The following PRMT8 variants were observed in gnomAD, a reference collection of about 807,000 sequenced individuals.
The protein encoded by PRMT8 is protein arginine methyltransferase 8.
In PRMT8, 7 loss-of-function variants were observed where a neutral mutation model predicts 47.1. The observed-to-expected ratio is 0.15, with a 90% CI of 0.08 to 0.28. The LOEUF (loss-of-function observed/expected upper bound fraction) is 0.28, where lower values mean the gene tolerates loss of function less well. Ranked by LOEUF, PRMT8 falls within the 10% of genes least tolerant of loss-of-function variation. The pLI, the probability that PRMT8 is intolerant of heterozygous loss-of-function variation, is 1.00. For missense variants in PRMT8, 237 were observed against 505.4 expected (o/e 0.47, Z 5.09); for synonymous variants, 188 against 186.5 (o/e 1.01, Z -0.07).
intron 1 of PRMT8, among the ~76,000 whole-genome samples, chr12:3,423,322 G>A (rs1267751659): frequency 6.6e-6 from 1 of 152,176 alleles, no homozygotes; most frequent in Non-Finnish European, 1.5e-5. Context: ...TTCTTGCCGG[G>A]CCAGAATGGT....
At chr12:3,466,466 T>C (rs985220974) in intron 1 of PRMT8, among the ~76,000 whole-genome samples, 1 of 152,202 alleles carries the variant, frequency 6.6e-6, no homozygotes, top group Non-Finnish European at 1.5e-5. Flanking sequence ...TCAGTTAACC[T>C]CTCTGAGCCT....
chr12:3,413,757 C>CA (rs1565401686), intron 1 of PRMT8, among the ~76,000 whole-genome samples: 1 of 150,902 alleles, frequency 6.6e-6, no homozygotes, highest in Admixed American at 6.6e-5. Context: ...TGACTGTATT[C>CA]GGGGGAAAAA....
chr12:3,413,436 T>G (rs2137057155), intron 1 of PRMT8, among the ~76,000 whole-genome samples: 2 of 152,288 alleles, frequency 1.3e-5, no homozygotes, highest in Middle Eastern at 6.8e-3. Flanking sequence ...TGAGAACAAA[T>G]GAATACAGAT....
intron 8 of PRMT8, among the ~76,000 whole-genome samples, chr12:3,590,282 G>T (rs1040690771): frequency 5.9e-5 from 9 of 152,214 alleles, no homozygotes; most frequent in Non-Finnish European, 1.3e-4. Context: ...GATCAAGCCA[G>T]TTCATTGTGA....
At chr12:3,491,157 C>T, upstream of PRMT8, 2 of 986,802 alleles carry the variant, frequency 2.0e-6, no homozygotes, top group South Asian at 4.7e-5. Context: ...ACCCCGCCCC[C>T]ACTCACCCGG....
chr12:3,577,491 C>T (rs1276156530), intron 7 of PRMT8, among the ~76,000 whole-genome samples: 1 of 151,312 alleles, frequency 6.6e-6, no homozygotes, highest in Non-Finnish European at 1.5e-5. Context: ...CCTCCACATA[C>T]ACCTTTGCCC....
intron 4 of PRMT8, among the ~76,000 whole-genome samples, chr12:3,568,134 A>G (rs1866761652): frequency 3.3e-5 from 5 of 152,204 alleles, no homozygotes. Context: ...TTCTTACCAT[A>G]AAGTAATCCA....
At position 3,470,965 on chromosome 12, in the gene PRMT8, C is replaced by T. The variant is rs79417664; in HGVS notation, c.49-69641C>T. ...GACGACTCCCACTCTGACAGTGGGG[C>T]TTTCCTTCAGGCCATCCTGGGCGGA... On this transcript the variant is annotated intron_variant, in intron 1 of 9. Transcript: ENST00000452611. Among the ~76,000 whole-genome samples the T allele has an allele frequency of 6.6e-4, 101 of 152,314 alleles. 3 individuals carry two copies. In the East Asian group the frequency reaches 0.017, roughly 25 times the overall value.
chr12:3,385,341 A>G (rs1200525673), intron 1 of PRMT8, among the ~76,000 whole-genome samples: 1 of 152,236 alleles, frequency 6.6e-6, no homozygotes. Context: ...CCAGGAAAGT[A>G]AGTCTTTGTT....
At chr12:3,407,520 C>CT (rs1331287757) in intron 1 of PRMT8, among the ~76,000 whole-genome samples, 2 of 152,106 alleles carry the variant, frequency 1.3e-5, no homozygotes, top group African/African-American at 4.8e-5. Flanking sequence ...CAACTTAATG[C>CT]TTTTTTCTTG....
Position 3,496,095 on chromosome 12 carries a change from A to G in PRMT8, c.75+4395A>G, listed in dbSNP as rs934122946. Among the ~76,000 whole-genome samples, 3 of 150,394 alleles carry G rather than the reference A, an allele frequency of 2.0e-5. No individual in the cohort carries two copies. In the East Asian group the frequency reaches 6.0e-4, roughly 30 times the overall value. ...ATACTTGGTGAAAGTCTGATGCATGATGCATTATTTATGGCGATGACTCCC... is the reference window on the plus strand; with the variant it reads ...ATACTTGGTGAAAGTCTGATGCATGGTGCATTATTTATGGCGATGACTCCC... On this transcript the variant is annotated intron_variant, in intron 1 of 9. Transcript: ENST00000382622.
At chr12:3,452,446 A>G (rs1423415732) in intron 1 of PRMT8, among the ~76,000 whole-genome samples, 2 of 152,142 alleles carry the variant, frequency 1.3e-5, no homozygotes, top group Admixed American at 6.5e-5. Flanking sequence ...CACATTTTTC[A>G]TACATTTTCC....
At chr12:3,510,554 A>C (rs1176847556) in intron 1 of PRMT8, among the ~76,000 whole-genome samples, 1 of 152,134 alleles carries the variant, frequency 6.6e-6, no homozygotes, top group African/African-American at 2.4e-5. Context: ...TCAATGAAAA[A>C]ATTAAATTGA....
In PRMT8 at chr12:3,464,509, G is replaced by A. The variant is rs575132719; in HGVS notation, c.49-76097G>A. ...GGTTTTTTTCAGGCATGGAGTGGGG[G>A]AGGGTAAATGTAATTTTTCCAAGTA... On this transcript the variant is annotated intron_variant, in intron 1 of 9. Transcript: ENST00000452611. 6.2e-4 allele frequency among the ~76,000 whole-genome samples: 95 copies of A among 152,166 alleles called. 1 individual carries two copies. Among genetic ancestry groups the A allele is most frequent in the African/African-American group, 2.3e-3 (95 of 41,508 alleles).
intron 7 of PRMT8, among the ~76,000 whole-genome samples, chr12:3,577,368 G>A (rs1034731213): frequency 6.6e-6 from 1 of 152,228 alleles, no homozygotes; most frequent in Non-Finnish European, 1.5e-5. Flanking sequence ...CAGGACCTCA[G>A]TATGCTGTGT....
intron 1 of PRMT8, among the ~76,000 whole-genome samples, chr12:3,481,236 C>G (rs1021449694): frequency 6.6e-6 from 1 of 152,176 alleles, no homozygotes; most frequent in Admixed American, 6.5e-5. Flanking sequence ...AACAGGTGCC[C>G]TCTCTCCTCC....
intron 1 of PRMT8, among the ~76,000 whole-genome samples, chr12:3,455,027 C>A (rs1309981064): frequency 2.0e-5 from 3 of 152,184 alleles, no homozygotes; most frequent in East Asian, 3.9e-4. Context: ...AGCTCCAATT[C>A]TCCAGTCCCT....
At chr12:3,512,997 A>T (rs1291127736) in intron 1 of PRMT8, among the ~76,000 whole-genome samples, 1 of 152,118 alleles carries the variant, frequency 6.6e-6, no homozygotes, top group Non-Finnish European at 1.5e-5. Flanking sequence ...CAGGCTCTGT[A>T]ACTTGCTCAT....
intron 1 of PRMT8, among the ~76,000 whole-genome samples, chr12:3,424,263 A>G (rs894218849): frequency 8.5e-5 from 13 of 152,102 alleles, no homozygotes; most frequent in Non-Finnish European, 1.8e-4. Context: ...GCGAGGATTA[A>G]GGGGATTGGT....
Sources: allele counts gnomAD v4.1 joint callset (sites outside exome capture counted in the v4.1 genomes callset), GRCh38; gene constraint gnomAD v4.1.1; transcripts MANE v1.5; gene names NCBI Gene and HGNC (gene_info 2026-07-23, HGNC 2026-07-21).